Variants in CYP2F1 observed in about 807,000 individuals in gnomAD.
The protein encoded by CYP2F1 is cytochrome P450 2F1.
Under a neutral mutation model 40.4 loss-of-function variants are expected in CYP2F1, and 33 were observed. The observed-to-expected ratio is 0.82, with a 90% CI of 0.62 to 1.09. The LOEUF (loss-of-function observed/expected upper bound fraction) is 1.09, where lower values mean the gene tolerates loss of function less well. CYP2F1 is among the 50% of genes least tolerant of loss of function. CYP2F1 has a pLI of 0.00. For synonymous variants in CYP2F1, 235 were observed against 277.2 expected, an observed-to-expected ratio of 0.85 and a Z score of 1.51; for missense variants, 566 against 655.7, an observed-to-expected ratio of 0.86 and a Z score of 1.49.
rs568085061 is a variant in CYP2F1 at position 41,124,767 on chromosome 19, C to A, written c.1013C>A (p.Pro338Gln). Reference sequence around the variant, plus strand: ...CTCGTGGTGGGACGCGCGCGGCTGCCGGCGCTGAAGGACCGCGCGGCCATG... The same window carrying A: ...CTCGTGGTGGGACGCGCGCGGCTGCAGGCGCTGAAGGACCGCGCGGCCATG... ...IDLVVGRARL[P>Q]ALKDRAAMPY... The change falls in exon 8 of 10, where the codon CCG (proline) becomes CAG (glutamine). Residue 338 changes from proline (P) to glutamine (Q), a missense_variant. Around this residue, in one of 5 missense-constraint regions of CYP2F1, gnomAD observed 128 missense variants for 121.0 expected, o/e 1.06. Transcript: ENST00000331105. 1.2e-6 allele frequency: 2 copies of A among 1,607,946 alleles called. No individual in the cohort carries two copies. The highest frequency in any genetic ancestry group is 1.7e-5 in the Admixed American group (1 of 59,888).
intron 3 of CYP2F1, among the ~76,000 whole-genome samples, chr19:41,117,462 A>G (rs2031888564): frequency 6.6e-6 from 1 of 151,686 alleles, no homozygotes; most frequent in Non-Finnish European, 1.5e-5. Flanking sequence ...CTTTCCCCCA[A>G]TCCCAGCCCC....
intron 7 of CYP2F1, chr19:41,123,366 C>T (rs888341645): frequency 2.8e-6 from 1 of 356,212 alleles, no homozygotes; most frequent in South Asian, 2.1e-5. Context: ...GCTGGGATTA[C>T]ACCACCACAT....
chr19:41,125,717 C>T (rs780697166), intron 9 of CYP2F1, 83 bp downstream of exon 9: 8 of 1,613,750 alleles, frequency 5.0e-6, no homozygotes, highest in African/African-American at 1.3e-5. Flanking sequence ...TCCTCTCACT[C>T]CTTCCTTCCA....
At position 41,120,475 on chromosome 19, in the gene CYP2F1, G is replaced by A. The variant is rs760711618; in HGVS notation, c.463G>A (p.Ala155Thr). The part of the protein sequence containing the change: ...RILEEGSFLL[A>T]ELRKTEGEPF... ...CCTAGAGGAGGGCAGCTTCCTGCTG[G>A]CGGAGCTGCGGAAAACTGAAGGTCA... The change falls in exon 4 of 10, where the codon GCG (alanine) becomes ACG (threonine). Residue 155 changes from alanine (A) to threonine (T), a missense_variant. Around this residue, in one of 5 missense-constraint regions of CYP2F1, gnomAD observed 264 missense variants for 275.7 expected, o/e 0.96. Coordinates refer to ENST00000331105, the MANE Select transcript of CYP2F1 (RefSeq NM_000774.5). 6.2e-7 allele frequency: 1 copy of A among 1,613,274 alleles called. No homozygotes were observed. The highest frequency in any genetic ancestry group is 8.5e-7 in the Non-Finnish European group (1 of 1,179,810).
rs140007678 is a variant in CYP2F1, at chr19:41,127,772, C to T, written c.1295-129C>T. 97 of 709,272 alleles carry T rather than the reference C, an allele frequency of 1.4e-4. No individual in the cohort carries two copies. In the African/African-American group the frequency reaches 1.6e-3, roughly 12 times the overall value. 43.9% of individuals were successfully genotyped at this position (709,272 alleles called of 1,614,324 possible). A position where few individuals can be genotyped will look rare whatever the true frequency, so the allele number is the denominator to read the frequency against. On this transcript the variant is annotated intron_variant, in intron 9 of 9. Coordinates refer to ENST00000331105, the MANE Select transcript of CYP2F1 (RefSeq NM_000774.5). ...TTAAAGCATCTTTCCCAGTTCTTTACATGGGTGAATCTGTGACGTCCCCAG... is the reference window on the plus strand; with the variant it reads ...TTAAAGCATCTTTCCCAGTTCTTTATATGGGTGAATCTGTGACGTCCCCAG...
At position 41,121,476 on chromosome 19, in the gene CYP2F1, C is replaced by A. The variant is rs1288556893; in HGVS notation, c.503C>A (p.Thr168Lys). The change falls in exon 5 of 10, where the codon ACG (threonine) becomes AAG (lysine). Residue 168 changes from threonine to lysine, a missense_variant. This residue lies in a region of CYP2F1 where 264 missense variants were observed against 275.7 expected (regional missense o/e 0.96). Coordinates refer to ENST00000331105, the MANE Select transcript of CYP2F1 (RefSeq NM_000774.5). ...CCCTCAGGCGAGCCCTTTGACCCCA[C>A]GTTTGTGCTGAGTCGCTCAGTGTCC... The part of the protein sequence containing the change: ...RKTEGEPFDP[T>K]FVLSRSVSNI... 2 of 1,609,874 alleles carry A rather than the reference C, an allele frequency of 1.2e-6. No individual in the cohort carries two copies. Among genetic ancestry groups the A allele is most frequent in the South Asian group, 1.1e-5 (1 of 90,856 alleles).
In CYP2F1 at chr19:41,119,683, G is replaced by GTCTCTCTCTCTCTC. The variant is rs1159535426; in HGVS notation, c.335-636_335-623dup. Among the ~76,000 whole-genome samples the GTCTCTCTCTCTCTC allele has an allele frequency of 4.1e-3, 55 of 13,410 alleles. 2 individuals are homozygous for GTCTCTCTCTCTCTC. Among genetic ancestry groups the GTCTCTCTCTCTCTC allele is most frequent in the Non-Finnish European group, 4.8e-3 (35 of 7,320 alleles). The allele number at this position is 13,410 out of a possible 152,430, so 8.8% of individuals were successfully genotyped here. A position where few individuals can be genotyped will look rare whatever the true frequency, so the allele number is the denominator to read the frequency against. ...CAGCCTGGCAACAGAGCAAGACTCC[G>GTCTCTCTCTCTCTC]TCTCTCTCTCTCTCTCTCTCTCTCT... On this transcript the variant is annotated intron_variant, in intron 3 of 9. Coordinates refer to ENST00000331105, the MANE Select transcript of CYP2F1 (RefSeq NM_000774.5).
At chr19:41,118,920 C>A (rs1031805102) in intron 3 of CYP2F1, among the ~76,000 whole-genome samples, 1 of 152,112 alleles carries the variant, frequency 6.6e-6, no homozygotes, top group East Asian at 1.9e-4. Flanking sequence ...CCAGAGGAAC[C>A]AGAGATAAAC....
chr19:41,121,817 C>T (rs1404968583), intron 5 of CYP2F1, 140 bp from the exon 6 acceptor site: 7 of 1,025,532 alleles, frequency 6.8e-6, no homozygotes, highest in African/African-American at 1.9e-5. Context: ...CCTTCCCACT[C>T]CCCCTCAGCC....
Position 41,121,438 on chromosome 19 carries a change from A to T in CYP2F1, c.485-20A>T. The T allele has an allele frequency of 6.2e-7, 1 of 1,604,034 alleles. No individual in the cohort carries two copies. Among genetic ancestry groups the T allele is most frequent in the African/African-American group, 1.4e-5 (1 of 71,164 alleles). ...GCTGCACATCGCGTCTTCCTGATCCATTGCACTCCTTACCCTCAGGCGAGC... is the reference window on the plus strand; with the variant it reads ...GCTGCACATCGCGTCTTCCTGATCCTTTGCACTCCTTACCCTCAGGCGAGC... On this transcript the variant is annotated intron_variant, in intron 4 of 9. Transcript: ENST00000331105.
At chr19:41,116,719 G>A (rs2031835271) in intron 3 of CYP2F1, 102 bp downstream of exon 3, 11 of 1,330,094 alleles carry the variant, frequency 8.3e-6, no homozygotes, top group Non-Finnish European at 1.1e-5. Context: ...ACTCAGGGCT[G>A]CTGACATCAC....
intron 1 of CYP2F1, among the ~76,000 whole-genome samples, chr19:41,115,409 C>T (rs1346538245): frequency 2.0e-5 from 3 of 152,134 alleles, no homozygotes; most frequent in Non-Finnish European, 4.4e-5. Context: ...TAGTCTATGT[C>T]AGCCTCTCTC....
intron 7 of CYP2F1, 94 bp downstream of exon 7, chr19:41,123,057 T>C (rs2144757571): frequency 7.2e-7 from 1 of 1,394,366 alleles, no homozygotes; most frequent in South Asian, 1.2e-5. Context: ...AGGTCTGATA[T>C]AGCCTCCTGC....
At chr19:41,123,134 G>C (rs1363735862) in intron 7 of CYP2F1, 171 bp downstream of exon 7, 1 of 760,686 alleles carries the variant, frequency 1.3e-6, no homozygotes. Context: ...CATGGCCCAT[G>C]AGGTCCATGC....
chr19:41,128,038 G>A lies in CYP2F1; in HGVS notation c.1432G>A (p.Gly478Ser), dbSNP rs749389548. ...CCTGACCCCACTCAGCTCAGGTCTT[G>A]GCAATTTGCCGCGGCCTTTCCAGCT... ...IDLTPLSSGL[G>S]NLPRPFQLCL... The change falls in exon 10 of 10, where the codon GGC (glycine) becomes AGC (serine). Residue 478 changes from glycine to serine, a missense_variant. By Grantham distance (56) the Gly-to-Ser change is moderately conservative (BLOSUM62 0). This residue lies in a region of CYP2F1 where 85 missense variants were observed against 84.9 expected (regional missense o/e 1.00). Transcript: ENST00000331105. The A allele has an allele frequency of 2.3e-5, 37 of 1,611,452 alleles. No individual in the cohort carries two copies. The East Asian group carries it at 6.5e-4, about 28-fold the overall frequency.
intron 1 of CYP2F1, 120 bp from the exon 2 acceptor site, chr19:41,116,058 C>A (rs2031775687): frequency 1.1e-6 from 1 of 927,004 alleles, no homozygotes; most frequent in African/African-American, 1.7e-5. Context: ...CCTGGCCTCT[C>A]CCTGTCTCCT....
Position 41,128,116 on chromosome 19 carries a change from T to C in CYP2F1, c.*34T>C, listed in dbSNP as rs762735369. Reference sequence around the variant, plus strand: ...CCCTTCCAGATTCGCCTGTGAGCGATGAGGCCCGCCCATGCGGGTTGCTAC... The same window carrying C: ...CCCTTCCAGATTCGCCTGTGAGCGACGAGGCCCGCCCATGCGGGTTGCTAC... On this transcript the variant is annotated 3_prime_UTR_variant, in exon 10 of 10. Coordinates refer to ENST00000331105, the MANE Select transcript of CYP2F1 (RefSeq NM_000774.5). 1.9e-6 allele frequency: 3 copies of C among 1,581,974 alleles called. No homozygotes were observed. Among genetic ancestry groups the C allele is most frequent in the South Asian group, 2.3e-5 (2 of 88,002 alleles).
intron 4 of CYP2F1, 36 bp downstream of exon 4, chr19:41,120,532 TC>T (rs1456856458): frequency 2.5e-6 from 4 of 1,580,814 alleles, no homozygotes; most frequent in Admixed American, 1.8e-5. Flanking sequence ...GATGGCACGA[TC>T]TTTTTTTTTT....
Position 41,127,979 on chromosome 19 carries a change from C to CGCT in CYP2F1, c.1376_1378dup (p.Leu459dup), listed in dbSNP as rs1248067361. The stretch of plus-strand genomic sequence containing the variant: ...CTCACCGCCATCCTGCAGAGCTTTT[C>CGCT]GCTGCAGCCGCTGGGTGCGCCCGAG... On this transcript the variant is annotated inframe_insertion, in exon 10 of 10. Transcript: ENST00000331105. 1.2e-6 allele frequency: 2 copies of CGCT among 1,613,280 alleles called. No individual in the cohort carries two copies. The highest frequency in any genetic ancestry group is 1.3e-5 in the African/African-American group (1 of 74,756).
Sources: gnomAD v4.1 joint callset for allele counts (sites outside exome capture counted in the v4.1 genomes callset) on GRCh38, gnomAD v4.1.1 for gene constraint, gnomAD v4.1.1 regional missense constraint, MANE v1.5 for transcripts, NCBI Gene and HGNC (gene_info 2026-07-23, HGNC 2026-07-21) for gene names.